NRG1: variants seen among roughly 807,000 people sequenced by gnomAD.
The protein encoded by NRG1 is neuregulin 1.
A neutral mutation model predicts 63.8 loss-of-function variants in NRG1; 18 were observed. The ratio of observed to expected loss-of-function variants is 0.28; its 90% CI spans 0.19 to 0.42. The LOEUF (loss-of-function observed/expected upper bound fraction) is 0.42. Among genes scored for constraint, NRG1 ranks in the 10% least tolerant of loss-of-function variants. The pLI, the probability that NRG1 is intolerant of heterozygous loss-of-function variation, is 1.00. For synonymous variants in NRG1, 302 were observed against 301.3 expected (o/e 1.00, Z -0.02); for missense variants, 762 against 814.7 (o/e 0.94, Z 0.79).
intron 1 of NRG1, among the ~76,000 whole-genome samples, chr8:32,486,835 G>C (rs1003288668): frequency 6.6e-6 from 1 of 151,950 alleles, no homozygotes; most frequent in Non-Finnish European, 1.5e-5. Context: ...ATGTTGGCCA[G>C]GCTGGTCTCA....
chr8:32,242,576 G>A (rs922467108), intron 1 of NRG1, among the ~76,000 whole-genome samples: 21 of 151,934 alleles, frequency 1.4e-4, no homozygotes, highest in African/African-American at 5.1e-4. Context: ...GTGAAGGAGG[G>A]TAGAGATGAC....
Position 32,605,130 on chromosome 8 carries a change from C to T in NRG1, c.279-432C>T, listed in dbSNP as rs139007609. Among the ~76,000 whole-genome samples the T allele has an allele frequency of 6.1e-3, 932 of 152,260 alleles. 12 individuals carry two copies. Among genetic ancestry groups the T allele is most frequent in the African/African-American group, 0.021 (875 of 41,550 alleles). ...TATTTTTAAAATCTATTCTAACCTT[C>T]AGTAAGTGTCCTTAACAGACTTGTA... On this transcript the variant is annotated intron_variant, in intron 2 of 11. Transcript: ENST00000356819.
intron 6 of NRG1, among the ~76,000 whole-genome samples, chr8:32,730,290 A>C (rs1026905058): frequency 1.3e-5 from 2 of 152,032 alleles, no homozygotes; most frequent in Non-Finnish European, 2.9e-5. Context: ...GCTACAAAAA[A>C]TACAGAAAAA....
At chr8:32,149,166 T>C (rs990877324) in intron 1 of NRG1, among the ~76,000 whole-genome samples, 10 of 152,314 alleles carry the variant, frequency 6.6e-5, no homozygotes, top group African/African-American at 2.4e-4. Flanking sequence ...ACTCTGTTGG[T>C]GAGTTTTGCA....
chr8:31,756,605 G>C (rs1414498674), intron 1 of NRG1, among the ~76,000 whole-genome samples: 2 of 152,112 alleles, frequency 1.3e-5, no homozygotes, highest in African/African-American at 4.8e-5. Flanking sequence ...ATTAGTGTCT[G>C]TTATCCTTAC....
At chr8:32,373,718 C>T (rs1175479753) in intron 1 of NRG1, among the ~76,000 whole-genome samples, 1 of 152,016 alleles carries the variant, frequency 6.6e-6, no homozygotes, top group Non-Finnish European at 1.5e-5. Flanking sequence ...GTTGAGGTTG[C>T]AGTGAGCCAA....
intron 1 of NRG1, 38 bp from the exon 2 acceptor site, chr8:32,595,790 T>C (rs1843244099): frequency 6.4e-7 from 1 of 1,564,808 alleles, no homozygotes. Context: ...GATTGCCTGG[T>C]GATCAGAGTT....
At chr8:32,292,977 G>A (rs1027579914) in intron 1 of NRG1, among the ~76,000 whole-genome samples, 1 of 152,212 alleles carries the variant, frequency 6.6e-6, no homozygotes, top group South Asian at 2.1e-4. Context: ...GGTGGCACAC[G>A]CCTTTAATCC....
rs974168630 is a variant in NRG1 at position 32,549,181 on chromosome 8, T to A, written c.100+355T>A. Among the ~76,000 whole-genome samples, 12 of 152,326 alleles carry A rather than the reference T, an allele frequency of 7.9e-5. No individual in the cohort carries two copies. The East Asian group carries it at 2.1e-3, about 27-fold the overall frequency. On this transcript the variant is annotated intron_variant, in intron 1 of 11. Coordinates refer to ENST00000356819, the Ensembl canonical transcript of NRG1. ...CTGGGCTATAGGAGTCGAGGCTGCG[T>A]GCGCGCGTGCCCCGCGCCATAAGCG...
chr8:31,681,335 C>A (rs938185175), intron 1 of NRG1, among the ~76,000 whole-genome samples: 2 of 152,052 alleles, frequency 1.3e-5, no homozygotes, highest in Admixed American at 6.6e-5. Context: ...TTAAAATGTT[C>A]AGTAGCTCCA....
chr8:31,713,218 G>A (rs1421641316), intron 1 of NRG1, among the ~76,000 whole-genome samples: 4 of 144,876 alleles, frequency 2.8e-5, no homozygotes, highest in African/African-American at 7.6e-5. Flanking sequence ...CCGGGTTCAC[G>A]CCATTCTCCT....
intron 1 of NRG1, among the ~76,000 whole-genome samples, chr8:32,010,386 CT>C (rs1315283632): frequency 2.0e-5 from 3 of 152,012 alleles, no homozygotes; most frequent in African/African-American, 7.2e-5. Context: ...TTTCCTTTCA[CT>C]TCATTCTCTC....
intron 1 of NRG1, among the ~76,000 whole-genome samples, chr8:32,450,054 T>G (rs1820764975): frequency 6.6e-6 from 1 of 152,104 alleles, no homozygotes; most frequent in African/African-American, 2.4e-5. Flanking sequence ...TATGATAATA[T>G]CTATAGGAAA....
intron 1 of NRG1, among the ~76,000 whole-genome samples, chr8:32,478,235 A>G (rs544043167): frequency 1.3e-5 from 2 of 150,864 alleles, no homozygotes; most frequent in African/African-American, 4.9e-5. Context: ...TTAAGCAGGG[A>G]GGCATTTGCC....
At chr8:31,762,973 T>C (rs946956042) in intron 1 of NRG1, among the ~76,000 whole-genome samples, 7 of 152,184 alleles carry the variant, frequency 4.6e-5, no homozygotes, top group Non-Finnish European at 8.8e-5. Context: ...CCCAGTGATA[T>C]GCATAAAGAC....
chr8:32,239,808 A>T (rs1420062275), intron 1 of NRG1, among the ~76,000 whole-genome samples: 1 of 152,196 alleles, frequency 6.6e-6, no homozygotes, highest in Non-Finnish European at 1.5e-5. Context: ...ACATGAAAAG[A>T]TGTTCAATAT....
intron 1 of NRG1, among the ~76,000 whole-genome samples, chr8:32,533,417 C>T (rs543471781): frequency 6.6e-6 from 1 of 152,170 alleles, no homozygotes; most frequent in Non-Finnish European, 1.5e-5. Context: ...TGGGCAACTA[C>T]TTAAATGTTT....
chr8:31,850,155 G>A (rs926674058), intron 1 of NRG1, among the ~76,000 whole-genome samples: 9 of 152,206 alleles, frequency 5.9e-5, no homozygotes, highest in African/African-American at 1.9e-4. Flanking sequence ...AACACCAGGA[G>A]CAATTCCCAA....
At chr8:32,337,684 C>CAAAAAAAAAAAAAAAAAAAAAAAAA (rs1586900950) in intron 1 of NRG1, among the ~76,000 whole-genome samples, 1 of 32,596 alleles carries the variant, frequency 3.1e-5, no homozygotes, top group Non-Finnish European at 7.3e-5. Flanking sequence ...AAAAAAAAAG[C>CAAAAAAAAAAAAAAAAAAAAAAAAA]TGATGCAGTT....
Sources: allele counts gnomAD v4.1 joint callset (sites outside exome capture counted in the v4.1 genomes callset), GRCh38; gene constraint gnomAD v4.1.1; transcripts MANE v1.5; gene names NCBI Gene and HGNC (gene_info 2026-07-23, HGNC 2026-07-21).